DLG2: variants seen among roughly 807,000 people sequenced by gnomAD.
DLG2 encodes the protein disks large homolog 2.
DLG2 carries 45 observed loss-of-function variants against 132.5 expected under a neutral mutation model. The observed-to-expected ratio is 0.34, with a 90% confidence interval of 0.27 to 0.44. DLG2 has a LOEUF of 0.44. Ranked by LOEUF, DLG2 falls within the 20% of genes least tolerant of loss-of-function variation. DLG2 has a pLI of 1.00. For synonymous variants in DLG2, 424 were observed against 419.6 expected (o/e 1.01, Z -0.13); for missense variants, 1,045 against 1,196.9 (o/e 0.87, Z 1.87).
At chr11:85,516,845 C>CA (rs922019743) in intron 3 of DLG2, among the ~76,000 whole-genome samples, 3 of 151,516 alleles carry the variant, frequency 2.0e-5, no homozygotes, top group Admixed American at 6.6e-5. Flanking sequence ...ACCAAAAGTA[C>CA]AAAAAAAGAA....
At chr11:84,923,340 T>C (rs912268044) in intron 6 of DLG2, 28 of 1,233,610 alleles carry the variant, frequency 2.3e-5, no homozygotes, top group Non-Finnish European at 2.8e-5. Context: ...TTATGCCCAG[T>C]AATTTCAATT....
intron 7 of DLG2, among the ~76,000 whole-genome samples, chr11:84,398,307 G>A (rs997929152): frequency 1.3e-5 from 2 of 152,130 alleles, no homozygotes; most frequent in African/African-American, 4.8e-5. Context: ...GCAAGAACAA[G>A]GAGGAAACCA....
Position 83,755,215 on chromosome 11 carries a change from G to A in DLG2, c.1825+31475C>T, listed in dbSNP as rs1027734041. Among the ~76,000 whole-genome samples the A allele has an allele frequency of 1.7e-4, 26 of 151,116 alleles. 2 individuals carry two copies. The highest frequency in any genetic ancestry group is 5.2e-4 in the African/African-American group (21 of 40,594). On this transcript the variant is annotated intron_variant, in intron 18 of 27. Transcript: ENST00000376104. ...GTAACTATAATGAAAAAGAATACAA[G>A]TTAATATCTTTTAAATTACATTTCC...
At chr11:83,831,622 T>TAAGA (rs2054554210) in intron 17 of DLG2, among the ~76,000 whole-genome samples, 3 of 152,116 alleles carry the variant, frequency 2.0e-5, no homozygotes, top group African/African-American at 7.2e-5. Flanking sequence ...AGGTAAATTA[T>TAAGA]AAGATTCTAT....
intron 3 of DLG2, among the ~76,000 whole-genome samples, chr11:85,509,398 T>A (rs1390913040): frequency 1.3e-5 from 2 of 152,036 alleles, no homozygotes; most frequent in Non-Finnish European, 2.9e-5. Flanking sequence ...TGGGCATTAC[T>A]TTAAGAAGTA....
chr11:84,921,330 T>C (rs1432455073), intron 6 of DLG2, among the ~76,000 whole-genome samples: 1 of 152,166 alleles, frequency 6.6e-6, no homozygotes, highest in Non-Finnish European at 1.5e-5. Context: ...GAAGGTTATA[T>C]ATGCTGTTTG....
Position 85,393,180 on chromosome 11 carries a change from C to A in DLG2, c.41-107815G>T, listed in dbSNP as rs558796659. Among the ~76,000 whole-genome samples the A allele has an allele frequency of 5.3e-5, 8 of 152,200 alleles. No individual in the cohort carries two copies. In the South Asian group the frequency reaches 1.7e-3, roughly 32 times the overall value. Reference sequence around the variant, plus strand: ...GGGCAAAGGACATGAATAAATAATTCTCAAAAGAAAATATGCAAATGGCCA... The same window carrying A: ...GGGCAAAGGACATGAATAAATAATTATCAAAAGAAAATATGCAAATGGCCA... On this transcript the variant is annotated intron_variant, in intron 3 of 27. Transcript: ENST00000376104.
At chr11:83,787,601 G>A (rs1356682703) in intron 17 of DLG2, among the ~76,000 whole-genome samples, 21 of 152,030 alleles carry the variant, frequency 1.4e-4, no homozygotes, top group African/African-American at 3.1e-4. Context: ...GATTACAGGC[G>A]TGAGCCACCG....
At chr11:84,640,409 C>T (rs1397500377) in intron 6 of DLG2, 13 of 412,638 alleles carry the variant, frequency 3.2e-5, no homozygotes, top group Admixed American at 1.0e-4. Flanking sequence ...AAGCCCAGAA[C>T]GATGAATTAA....
At chr11:85,505,552 C>T (rs1399753343) in intron 3 of DLG2, among the ~76,000 whole-genome samples, 2 of 152,200 alleles carry the variant, frequency 1.3e-5, no homozygotes, top group Non-Finnish European at 2.9e-5. Flanking sequence ...ACCAGCCTTG[C>T]ATCCCAGAGC....
chr11:85,313,381 T>C (rs926083126), intron 3 of DLG2, among the ~76,000 whole-genome samples: 8 of 152,026 alleles, frequency 5.3e-5, no homozygotes, highest in Non-Finnish European at 8.8e-5. Flanking sequence ...AATAAATCCT[T>C]ATTGTGTATA....
intron 6 of DLG2, among the ~76,000 whole-genome samples, chr11:84,955,091 G>T (rs1229362038): frequency 6.6e-6 from 1 of 152,066 alleles, no homozygotes; most frequent in Non-Finnish European, 1.5e-5. Flanking sequence ...AAAAACAAAT[G>T]GCAAGCTAGA....
chr11:84,171,963 T>C (rs1266613636), intron 8 of DLG2, among the ~76,000 whole-genome samples: 2 of 152,130 alleles, frequency 1.3e-5, no homozygotes, highest in East Asian at 1.9e-4. Flanking sequence ...AAACAGGCCC[T>C]TTTTTCAAGT....
At chr11:85,075,495 T>C (rs2066413039) in intron 6 of DLG2, among the ~76,000 whole-genome samples, 2 of 151,816 alleles carry the variant, frequency 1.3e-5, no homozygotes, top group South Asian at 4.1e-4. Flanking sequence ...TAAATCCAAA[T>C]ATGGCCAAAT....
In DLG2 at chr11:85,346,843, G is replaced by T. The variant is rs140416398; in HGVS notation, c.41-61478C>A. Among the ~76,000 whole-genome samples the T allele has an allele frequency of 2.1e-3, 322 of 152,208 alleles. 4 individuals are homozygous for T. Among genetic ancestry groups the T allele is most frequent in the African/African-American group, 7.1e-3 (294 of 41,486 alleles). ...GAGGCATCCATTCCCTTAACAGGTGGGAGGCGGGAAGTAGTCAATGAATGG... is the reference window on the plus strand; with the variant it reads ...GAGGCATCCATTCCCTTAACAGGTGTGAGGCGGGAAGTAGTCAATGAATGG... On this transcript the variant is annotated intron_variant, in intron 3 of 27. Coordinates refer to ENST00000376104, the MANE Select transcript of DLG2 (RefSeq NM_001142699.3).
chr11:84,896,351 GT>G (rs2090183494), intron 6 of DLG2, among the ~76,000 whole-genome samples: 1 of 152,078 alleles, frequency 6.6e-6, no homozygotes, highest in East Asian at 1.9e-4. Flanking sequence ...TTAGATGCTT[GT>G]TAAAGATGTG....
At position 83,763,335 on chromosome 11, in the gene DLG2, C is replaced by T. The variant is rs560172815; in HGVS notation, c.1825+23355G>A. ...AAATCCTCTCCCTCCTCCCACCCTC[C>T]ACCATCAAGTAGACTCCAGTGTCTC... On this transcript the variant is annotated intron_variant, in intron 18 of 27. Coordinates refer to ENST00000376104, the MANE Select transcript of DLG2 (RefSeq NM_001142699.3). 2.0e-5 allele frequency among the ~76,000 whole-genome samples: 3 copies of T among 152,238 alleles called. No individual in the cohort carries two copies. The East Asian group carries it at 5.8e-4, about 29-fold the overall frequency.
chr11:84,650,316 A>C (rs1030514017), intron 6 of DLG2, among the ~76,000 whole-genome samples: 3 of 152,172 alleles, frequency 2.0e-5, no homozygotes, highest in African/African-American at 4.8e-5. Flanking sequence ...TGACTTCCTA[A>C]TTACCAAATG....
At chr11:84,313,914 G>T (rs2098328636) in intron 7 of DLG2, among the ~76,000 whole-genome samples, 1 of 152,134 alleles carries the variant, frequency 6.6e-6, no homozygotes, top group African/African-American at 2.4e-5. Context: ...CCTTACCTAT[G>T]ATTATGGTTA....
Sources: gnomAD v4.1 joint callset for allele counts (sites outside exome capture counted in the v4.1 genomes callset) on GRCh38, gnomAD v4.1.1 for gene constraint, MANE v1.5 for transcripts, NCBI Gene and HGNC (gene_info 2026-07-23, HGNC 2026-07-21) for gene names.